Variants in PCED1B observed in about 807,000 individuals in gnomAD.
The protein encoded by PCED1B is PC-esterase domain-containing protein 1B.
For missense variants in PCED1B, 573 were observed against 573.9 expected (o/e 1.00, Z 0.02); for synonymous variants, 251 against 246.1 (o/e 1.02, Z -0.19).
At chr12:47,163,694 T>C (rs1262451017) in intron 2 of PCED1B, among the ~76,000 whole-genome samples, 1 of 152,194 alleles carries the variant, frequency 6.6e-6, no homozygotes, top group Non-Finnish European at 1.5e-5. Context: ...TTCCCCCTTG[T>C]CTTAGTCCAT....
chr12:47,196,656 C>T (rs750220850), intron 2 of PCED1B, among the ~76,000 whole-genome samples: 1 of 152,004 alleles, frequency 6.6e-6, no homozygotes, highest in Non-Finnish European at 1.5e-5. Context: ...GGTAAAACCC[C>T]GTCTCTACTA....
intron 2 of PCED1B, among the ~76,000 whole-genome samples, chr12:47,183,535 G>A (rs1272147581): frequency 1.3e-5 from 2 of 151,818 alleles, no homozygotes; most frequent in East Asian, 1.9e-4. Context: ...TAAAGAAATC[G>A]ATTTAACTTG....
intron 2 of PCED1B, among the ~76,000 whole-genome samples, chr12:47,168,053 C>A (rs1398276609): frequency 6.6e-6 from 1 of 152,160 alleles, no homozygotes; most frequent in Non-Finnish European, 1.5e-5. Flanking sequence ...ACATTAAAGA[C>A]AGGAAAAATG....
chr12:47,167,350 T>C (rs1268000482), intron 2 of PCED1B, among the ~76,000 whole-genome samples: 1 of 152,106 alleles, frequency 6.6e-6, no homozygotes, highest in Non-Finnish European at 1.5e-5. Flanking sequence ...CAGTGCTGGA[T>C]TTCCCTGCTG....
At chr12:47,158,811 A>G (rs960982606) in intron 2 of PCED1B, among the ~76,000 whole-genome samples, 2 of 152,162 alleles carry the variant, frequency 1.3e-5, no homozygotes, top group African/African-American at 4.8e-5. Context: ...GAAATATGCA[A>G]TACATTGTTA....
At chr12:47,106,137 C>T (rs1397644313) in intron 2 of PCED1B, among the ~76,000 whole-genome samples, 1 of 152,060 alleles carries the variant, frequency 6.6e-6, no homozygotes, top group African/African-American at 2.4e-5. Context: ...AAATGCTTTG[C>T]TCCTGGCCCG....
chr12:47,094,589 T>C (rs997887018), intron 1 of PCED1B, among the ~76,000 whole-genome samples: 4 of 152,174 alleles, frequency 2.6e-5, no homozygotes, highest in African/African-American at 9.7e-5. Flanking sequence ...TTAATTCTAA[T>C]AGTAACTATC....
intron 2 of PCED1B, among the ~76,000 whole-genome samples, chr12:47,125,969 C>T (rs1032159558): frequency 6.6e-6 from 1 of 151,760 alleles, no homozygotes; most frequent in Admixed American, 6.6e-5. Context: ...TCTTCCTTTC[C>T]AATCATTTCA....
chr12:47,170,357 C>T (rs571515412), intron 2 of PCED1B, among the ~76,000 whole-genome samples: 3 of 152,192 alleles, frequency 2.0e-5, no homozygotes, highest in African/African-American at 4.8e-5. Flanking sequence ...CTTTGCTATT[C>T]GGCAAAACCG....
chr12:47,190,846 TG>T (rs1942419127), intron 2 of PCED1B, among the ~76,000 whole-genome samples: 1 of 152,172 alleles, frequency 6.6e-6, no homozygotes, highest in South Asian at 2.1e-4. Context: ...TGAACATAAC[TG>T]GGGGGCTTTT....
chr12:47,099,661 A>G (rs1938621403), intron 1 of PCED1B, among the ~76,000 whole-genome samples: 1 of 152,096 alleles, frequency 6.6e-6, no homozygotes, highest in Non-Finnish European at 1.5e-5. Flanking sequence ...GCGCCCTTGT[A>G]CTTCTGTGAG....
chr12:47,175,229 G>A (rs1941884341), intron 2 of PCED1B, among the ~76,000 whole-genome samples: 1 of 152,128 alleles, frequency 6.6e-6, no homozygotes, highest in South Asian at 2.1e-4. Flanking sequence ...TTATAATCTA[G>A]AGATGTACAT....
At chr12:47,193,836 G>T (rs771038836) in intron 2 of PCED1B, among the ~76,000 whole-genome samples, 128 of 152,168 alleles carry the variant, frequency 8.4e-4, no homozygotes, top group Non-Finnish European at 1.6e-3. Flanking sequence ...TTATTTCAGG[G>T]TGTCTGCCAT....
chr12:47,164,868 G>A (rs1319172572), intron 2 of PCED1B, among the ~76,000 whole-genome samples: 4 of 152,244 alleles, frequency 2.6e-5, no homozygotes, highest in Non-Finnish European at 5.9e-5. Context: ...TATGTGGCTA[G>A]TTGAGTCACA....
chr12:47,154,180 T>C (rs1431870899), intron 2 of PCED1B, among the ~76,000 whole-genome samples: 2 of 152,188 alleles, frequency 1.3e-5, no homozygotes, highest in African/African-American at 4.8e-5. Flanking sequence ...GCTAATTTGT[T>C]AGCTTGTAAG....
intron 2 of PCED1B, among the ~76,000 whole-genome samples, chr12:47,146,866 T>A (rs1209866523): frequency 6.6e-6 from 1 of 152,240 alleles, no homozygotes; most frequent in African/African-American, 2.4e-5. Flanking sequence ...GATTAAAACA[T>A]GACTGTAATT....
Position 47,235,092 on chromosome 12 carries a change from G to T in PCED1B, c.29G>T (p.Arg10Leu). The change falls in exon 4 of 4, where the codon CGG becomes CTG. Residue 10 changes from arginine to leucine, a missense_variant. Transcript: ENST00000546455. Reference protein sequence around the residue: MILLRASEVRQLLHNKFVVI... With the variant: MILLRASEVLQLLHNKFVVI... ...ATCCTTCTGCGGGCCTCCGAAGTGCGGCAGCTGCTTCACAATAAGTTCGTG... is the reference window on the plus strand; with the variant it reads ...ATCCTTCTGCGGGCCTCCGAAGTGCTGCAGCTGCTTCACAATAAGTTCGTG... 1 of 1,529,024 alleles carries T rather than the reference G, an allele frequency of 6.5e-7. No individual in the cohort carries two copies. The highest frequency in any genetic ancestry group is 8.8e-7 in the Non-Finnish European group (1 of 1,139,756). The allele number at this position is 1,529,024 out of a possible 1,614,324, so 94.7% of individuals were successfully genotyped here.
chr12:47,179,015 T>A (rs781352970), intron 2 of PCED1B, among the ~76,000 whole-genome samples: 2 of 152,262 alleles, frequency 1.3e-5, no homozygotes, highest in Non-Finnish European at 2.9e-5. Flanking sequence ...CTATCATTTT[T>A]AACTTTGAAA....
chr12:47,156,289 G>A (rs564520054), intron 2 of PCED1B, among the ~76,000 whole-genome samples: 1 of 152,164 alleles, frequency 6.6e-6, no homozygotes, highest in Non-Finnish European at 1.5e-5. Flanking sequence ...CCTTGACAAT[G>A]TTGGCTGCTG....
Sources: allele counts gnomAD v4.1 joint callset (sites outside exome capture counted in the v4.1 genomes callset), GRCh38; gene constraint gnomAD v4.1.1; transcripts MANE v1.5; gene names NCBI Gene and HGNC (gene_info 2026-07-23, HGNC 2026-07-21).